TIAL1: variants seen among roughly 807,000 people sequenced by gnomAD.
TIAL1 encodes TIA1 cytotoxic granule associated RNA binding protein like 1.
Under a neutral mutation model 59.7 loss-of-function variants are expected in TIAL1, and 7 were observed. That is an observed-to-expected ratio of 0.12 (90% CI 0.07 to 0.22). TIAL1 has a LOEUF of 0.22. Ranked by LOEUF, TIAL1 falls within the 10% of genes least tolerant of loss-of-function variation. The probability of loss-of-function intolerance (pLI) is 1.00; values close to 1 mark genes in which losing one functional copy is unlikely to be tolerated. For missense variants in TIAL1, 225 were observed against 462.5 expected, an observed-to-expected ratio of 0.49 and a Z score of 4.71; for synonymous variants, 149 against 146.3, an observed-to-expected ratio of 1.02 and a Z score of -0.13.
chr10:119,576,464 A>G (rs1302869752), intron 11 of TIAL1, 147 bp downstream of exon 11: 9 of 1,114,314 alleles, frequency 8.1e-6, no homozygotes, highest in Non-Finnish European at 1.1e-5. Context: ...CTCATAAATC[A>G]TATTTTGTTA....
At position 119,580,606 on chromosome 10, in the gene TIAL1, C is replaced by T. The variant is rs1263655173; in HGVS notation, c.372-596G>A. ...GGAGAATAAAAAACTAACAACAATG[C>T]TAAGCACACCAGTACGAAAACAACA... On this transcript the variant is annotated intron_variant, in intron 5 of 11. Transcript: ENST00000436547. The T allele has an allele frequency of 6.0e-6, 6 of 998,634 alleles. No individual in the cohort carries two copies. The East Asian group carries it at 6.2e-4, about 103-fold the overall frequency. 61.9% of individuals were successfully genotyped at this position (998,634 alleles called of 1,614,324 possible).
Position 119,590,820 on chromosome 10 carries a change from G to GAAAGAAAC in TIAL1, c.33-2573_33-2572insGTTTCTTT, listed in dbSNP as rs780101655. Among the ~76,000 whole-genome samples, 8 of 147,158 alleles carry GAAAGAAAC rather than the reference G, an allele frequency of 5.4e-5. No individual in the cohort carries two copies. In the East Asian group the frequency reaches 1.6e-3, roughly 30 times the overall value. ...AGAAAGAAAGAAAGAAAGAAAGAAA[G>GAAAGAAAC]AAACGAACAAGTGATCTTGAGCTTC... On this transcript the variant is annotated intron_variant, in intron 1 of 11. Transcript: ENST00000436547.
rs1846214486 is a variant in TIAL1 at position 119,596,606 on chromosome 10, C to T, written c.-141G>A. 3.0e-6 allele frequency: 2 copies of T among 664,208 alleles called. No individual in the cohort carries two copies. Among genetic ancestry groups the T allele is most frequent in the Non-Finnish European group, 5.1e-6 (2 of 391,806 alleles). The allele number at this position is 664,208 out of a possible 1,614,324, so 41.1% of individuals were successfully genotyped here. Reference sequence around the variant, plus strand: ...ACCGAACCCTGCTCTCGGGCTCTCTCCCCCCAGCCCGCTCCGGACACTGCG... The same window carrying T: ...ACCGAACCCTGCTCTCGGGCTCTCTTCCCCCAGCCCGCTCCGGACACTGCG... On this transcript the variant is annotated 5_prime_UTR_variant, in exon 1 of 12. Transcript: ENST00000436547.
chr10:119,585,046 C>G (rs971170017), intron 2 of TIAL1, among the ~76,000 whole-genome samples: 1 of 150,338 alleles, frequency 6.7e-6, no homozygotes, highest in African/African-American at 2.5e-5. Context: ...TCACTTGAAC[C>G]CAGGAGGCCA....
At chr10:119,575,840 C>A in intron 11 of TIAL1, 49 bp from the exon 12 acceptor site, 5 of 1,496,562 alleles carry the variant, frequency 3.3e-6, no homozygotes, top group Non-Finnish European at 3.6e-6. Flanking sequence ...AAAAAAAAAT[C>A]ACATATGTAT....
At chr10:119,589,075 G>C (rs1412325567) in intron 1 of TIAL1, among the ~76,000 whole-genome samples, 1 of 152,168 alleles carries the variant, frequency 6.6e-6, no homozygotes, top group Admixed American at 6.5e-5. Flanking sequence ...AACATACAGA[G>C]GGTGGAGGGT....
Position 119,574,024 on chromosome 10 carries a change from A to G in TIAL1, c.*1641T>C. The G allele has an allele frequency of 6.5e-6, 1 of 152,688 alleles. No individual in the cohort carries two copies. The highest frequency in any genetic ancestry group is 1.9e-4 in the East Asian group (1 of 5,206). 9.5% of individuals were successfully genotyped at this position (152,688 alleles called of 1,614,324 possible). On this transcript the variant is annotated 3_prime_UTR_variant, in exon 12 of 12. Transcript: ENST00000436547. The stretch of plus-strand genomic sequence containing the variant: ...TAGAAAACAGTAATTTGTGGGTACT[A>G]ATCGCATCTTACTATGTAACTGTAA...
At position 119,596,511 on chromosome 10, in the gene TIAL1, T is replaced by TG; in HGVS notation, c.-47dup. 3.8e-5 allele frequency: 2 copies of TG among 52,356 alleles called. No individual in the cohort carries two copies. Among genetic ancestry groups the TG allele is most frequent in the South Asian group, 1.0e-4 (1 of 10,048 alleles). 3.2% of individuals were successfully genotyped at this position (52,356 alleles called of 1,614,324 possible). Reference sequence around the variant, plus strand: ...CCCGGGACAAGGGGGAGGGCAGGGTTGGGGAGGGGAGGGGGTGGGGAGGAA... The same window carrying TG: ...CCCGGGACAAGGGGGAGGGCAGGGTTGGGGGAGGGGAGGGGGTGGGGAGGAA... On this transcript the variant is annotated 5_prime_UTR_variant, in exon 1 of 12. Transcript: ENST00000436547.
Position 119,596,521 on chromosome 10 carries a change from A to AG in TIAL1, c.-57dup. 2 of 30,918 alleles carry AG rather than the reference A, an allele frequency of 6.5e-5. No homozygotes were observed. Among genetic ancestry groups the AG allele is most frequent in the Non-Finnish European group, 1.3e-4 (2 of 14,934 alleles). The allele number at this position is 30,918 out of a possible 1,614,324, so 1.9% of individuals were successfully genotyped here. A position where few individuals can be genotyped will look rare whatever the true frequency, so the allele number is the denominator to read the frequency against. ...GGGGGAGGGCAGGGTTGGGGAGGGG[A>AG]GGGGGTGGGGAGGAAGGGGAGGGGG... On this transcript the variant is annotated 5_prime_UTR_variant, in exon 1 of 12. Coordinates refer to ENST00000436547, the MANE Select transcript of TIAL1 (RefSeq NM_003252.4).
Position 119,575,702 on chromosome 10 carries a change from T to C in TIAL1, c.1091A>G (p.Gln364Arg). Residue 364 changes from glutamine to arginine, a missense_variant, in exon 12 of 12, where the codon CAA (glutamine) becomes CGA (arginine). Gln to Arg is a conservative substitution (Grantham distance 43). Transcript: ENST00000436547. ...GTAACTTGCCATACCATATCCGGCT[T>C]GGTTAGGAGGAGGTATTACAGGGGG... ...APPPVIPPPNQAGYGMASYQT... is the reference protein window; with the variant it reads ...APPPVIPPPNRAGYGMASYQT... 1 of 1,612,726 alleles carries C rather than the reference T, an allele frequency of 6.2e-7. No individual in the cohort carries two copies. The highest frequency in any genetic ancestry group is 1.3e-5 in the African/African-American group (1 of 74,784).
intron 1 of TIAL1, among the ~76,000 whole-genome samples, chr10:119,590,070 T>G (rs1845773472): frequency 6.6e-6 from 1 of 152,174 alleles, no homozygotes; most frequent in Admixed American, 6.6e-5. Context: ...ACTTAAAAGA[T>G]CCAATTAAGA....
At chr10:119,592,651 CTAAT>C (rs1845941524) in intron 1 of TIAL1, among the ~76,000 whole-genome samples, 1 of 152,114 alleles carries the variant, frequency 6.6e-6, no homozygotes, top group South Asian at 2.1e-4. Flanking sequence ...CAATAGATCT[CTAAT>C]TAATTGTTCA....
At position 119,582,259 on chromosome 10, in the gene TIAL1, G is replaced by T; in HGVS notation, c.229-36C>A. 1 of 1,541,508 alleles carries T rather than the reference G, an allele frequency of 6.5e-7. No individual in the cohort carries two copies. The highest frequency in any genetic ancestry group is 8.8e-7 in the Non-Finnish European group (1 of 1,138,488). On this transcript the variant is annotated intron_variant, in intron 3 of 11. Coordinates refer to ENST00000436547, the MANE Select transcript of TIAL1 (RefSeq NM_003252.4). This position sits in a 1 kb window ranked among gnomAD's most constrained non-coding sequence, Gnocchi z 5.1. Reference sequence around the variant, plus strand: ...AGATTATATTTAATAAAATTATTAGGCATGTCATGAGTTACAACACTTACC... The same window carrying T: ...AGATTATATTTAATAAAATTATTAGTCATGTCATGAGTTACAACACTTACC...
At chr10:119,589,209 T>A (rs1007687657) in intron 1 of TIAL1, among the ~76,000 whole-genome samples, 1 of 152,148 alleles carries the variant, frequency 6.6e-6, no homozygotes, top group African/African-American at 2.4e-5. Flanking sequence ...CAACAAAATA[T>A]ATATGTATTT....
At chr10:119,579,084 C>T (rs1248995684) in intron 6 of TIAL1, 1 of 494,392 alleles carries the variant, frequency 2.0e-6, no homozygotes, top group Non-Finnish European at 3.6e-6. Flanking sequence ...GACCTGTAAT[C>T]CCAGCACTTT....
In TIAL1 at chr10:119,574,604, A is replaced by AG. The variant is rs560771367; in HGVS notation, c.*1060_*1061insC. 4.7e-5 allele frequency: 7 copies of AG among 149,102 alleles called. No homozygotes were observed. The highest frequency in any genetic ancestry group is 1.0e-4 in the Non-Finnish European group (7 of 67,376). 9.2% of individuals were successfully genotyped at this position (149,102 alleles called of 1,614,324 possible). ...TGTAAAGCAAAAAAAAAAAAAAAAA[A>AG]AAACAAAAACAAAAAACTAATTCCC... On this transcript the variant is annotated 3_prime_UTR_variant, in exon 12 of 12. Coordinates refer to ENST00000436547, the MANE Select transcript of TIAL1 (RefSeq NM_003252.4).
intron 1 of TIAL1, among the ~76,000 whole-genome samples, chr10:119,592,630 A>G (rs186756762): frequency 6.6e-6 from 1 of 152,330 alleles, no homozygotes. Flanking sequence ...AGATTTTGCA[A>G]TAATATCCTT....
chr10:119,590,407 A>G (rs1845789742), intron 1 of TIAL1, among the ~76,000 whole-genome samples: 1 of 152,090 alleles, frequency 6.6e-6, no homozygotes. Context: ...GAGTAGACCT[A>G]TCTGTAAGAA....
At chr10:119,590,800 G>GAA (rs1554867665) in intron 1 of TIAL1, among the ~76,000 whole-genome samples, 1 of 141,306 alleles carries the variant, frequency 7.1e-6, no homozygotes. Flanking sequence ...AAGAAAGAAA[G>GAA]AAAGAAAGAA....
Sources: allele counts gnomAD v4.1 joint callset (sites outside exome capture counted in the v4.1 genomes callset), GRCh38; gene constraint gnomAD v4.1.1; non-coding constraint Gnocchi (gnomAD v3.1); transcripts MANE v1.5; gene names NCBI Gene and HGNC (gene_info 2026-07-23, HGNC 2026-07-21).